KHDRBS2: variants seen among roughly 807,000 people sequenced by gnomAD.
KHDRBS2 encodes KH domain-containing, RNA-binding, signal transduction-associated protein 2.
KHDRBS2 carries 26 observed loss-of-function variants against 44.3 expected under a neutral mutation model. The ratio of observed to expected loss-of-function variants is 0.59; its 90% CI spans 0.43 to 0.81. The LOEUF (loss-of-function observed/expected upper bound fraction) is 0.81, where lower values mean the gene tolerates loss of function less well. Ranked by LOEUF, KHDRBS2 falls within the 40% of genes least tolerant of loss-of-function variation. The pLI, the probability that KHDRBS2 is intolerant of heterozygous loss-of-function variation, is 0.00. For missense variants in KHDRBS2, 476 were observed against 433.1 expected (o/e 1.10, Z -0.88); for synonymous variants, 194 against 151.1 (o/e 1.28, Z -2.08).
chr6:62,189,152 GA>G (rs1824074953), intron 1 of KHDRBS2, among the ~76,000 whole-genome samples: 1 of 151,578 alleles, frequency 6.6e-6, no homozygotes, highest in Non-Finnish European at 1.5e-5. Context: ...GAAGAAGAAA[GA>G]AAAAGAACAT....
At chr6:62,107,366 T>G (rs376862779) in intron 2 of KHDRBS2, among the ~76,000 whole-genome samples, 2 of 151,918 alleles carry the variant, frequency 1.3e-5, no homozygotes, top group Non-Finnish European at 2.9e-5. Context: ...GAATAAAATA[T>G]CTAGGAATCC....
chr6:62,199,612 A>G (rs1826478692), intron 1 of KHDRBS2, among the ~76,000 whole-genome samples: 2 of 152,188 alleles, frequency 1.3e-5, no homozygotes, highest in Non-Finnish European at 1.5e-5. Flanking sequence ...AGAAAATTCC[A>G]TGCTCATGGG....
chr6:62,086,534 A>G (rs1261849005), intron 2 of KHDRBS2, among the ~76,000 whole-genome samples: 1 of 152,184 alleles, frequency 6.6e-6, no homozygotes, highest in Non-Finnish European at 1.5e-5. Context: ...GAATGCTCTC[A>G]TAAATACAAA....
chr6:61,890,700 G>T (rs1239146078), intron 6 of KHDRBS2, among the ~76,000 whole-genome samples: 1 of 152,132 alleles, frequency 6.6e-6, no homozygotes, highest in African/African-American at 2.4e-5. Context: ...CCTTGTTGTG[G>T]ATTTTTAATT....
At position 62,191,739 on chromosome 6, in the gene KHDRBS2, C is replaced by T. The variant is rs1824665178; in HGVS notation, c.92-14427G>A. ...TCTCAACACAATGATTTTTACACTG[C>T]TGTTTACACCAGAAAACTTACATTT... On this transcript the variant is annotated intron_variant, in intron 1 of 8. Transcript: ENST00000281156. 4.6e-5 allele frequency among the ~76,000 whole-genome samples: 7 copies of T among 152,048 alleles called. No homozygotes were observed. The South Asian group carries it at 1.5e-3, about 32-fold the overall frequency.
intron 2 of KHDRBS2, among the ~76,000 whole-genome samples, chr6:62,063,578 A>C (rs1204096645): frequency 6.6e-6 from 1 of 151,750 alleles, no homozygotes; most frequent in African/African-American, 2.4e-5. Flanking sequence ...AAAATTCAAC[A>C]ACCCTTCATG....
chr6:62,261,871 A>AT (rs1399434378), intron 1 of KHDRBS2, among the ~76,000 whole-genome samples: 1 of 151,750 alleles, frequency 6.6e-6, no homozygotes, highest in Non-Finnish European at 1.5e-5. Flanking sequence ...TAACAATGAG[A>AT]TTTTTCTCAC....
intron 6 of KHDRBS2, among the ~76,000 whole-genome samples, chr6:61,776,120 C>A (rs1249892558): frequency 6.6e-6 from 1 of 152,140 alleles, no homozygotes; most frequent in African/African-American, 2.4e-5. Flanking sequence ...CCCTTCCTTA[C>A]ACCTTATACA....
chr6:61,993,666 TATATATA>T (rs1330955126), intron 3 of KHDRBS2, among the ~76,000 whole-genome samples: 4 of 123,114 alleles, frequency 3.2e-5, no homozygotes, highest in African/African-American at 1.1e-4. Flanking sequence ...TATATATATA[TATATATA>T]TTTTTTTTTT....
intron 3 of KHDRBS2, among the ~76,000 whole-genome samples, chr6:62,011,798 C>CA (rs1387655831): frequency 1.3e-5 from 2 of 152,068 alleles, no homozygotes; most frequent in Non-Finnish European, 2.9e-5. Flanking sequence ...AGCTATGTAT[C>CA]ATTATTACTA....
In KHDRBS2 at chr6:62,246,728, T is replaced by C. The variant is rs148202164; in HGVS notation, c.91+39130A>G. Reference sequence around the variant, plus strand: ...CTATACATATTTTAGTGATTTCTGATATTAAGATATTTTTTCCTAATTTGG... The same window carrying C: ...CTATACATATTTTAGTGATTTCTGACATTAAGATATTTTTTCCTAATTTGG... On this transcript the variant is annotated intron_variant, in intron 1 of 8. Transcript: ENST00000281156. Among the ~76,000 whole-genome samples, 382 of 152,170 alleles carry C rather than the reference T, an allele frequency of 2.5e-3. 3 individuals are homozygous for C. Among genetic ancestry groups the C allele is most frequent in the African/African-American group, 8.4e-3 (349 of 41,566 alleles).
intron 4 of KHDRBS2, among the ~76,000 whole-genome samples, chr6:61,976,419 C>T (rs1234865834): frequency 6.6e-6 from 1 of 151,918 alleles, no homozygotes; most frequent in Non-Finnish European, 1.5e-5. Flanking sequence ...ACTGACATTT[C>T]TAATAGAGGA....
At chr6:61,661,494 A>G in the KHDRBS2 span, 3 of 151,942 alleles carry the variant, frequency 2.0e-5, no homozygotes, top group South Asian at 2.1e-4. Context: ...GTTGTCAAGC[A>G]TACCCAAAAT....
chr6:62,100,940 A>G (rs916897938), intron 2 of KHDRBS2, among the ~76,000 whole-genome samples: 7 of 152,200 alleles, frequency 4.6e-5, no homozygotes, highest in African/African-American at 1.7e-4. Context: ...TTTACAAAAA[A>G]TAGCAAATTG....
At chr6:61,672,425 A>C in the KHDRBS2 span, among the ~76,000 whole-genome samples, 1 of 152,040 alleles carries the variant, frequency 6.6e-6, no homozygotes, top group Non-Finnish European at 1.5e-5. Context: ...CACCACACTG[A>C]CTTCCACAAT....
chr6:62,234,717 G>A (rs1231382337), intron 1 of KHDRBS2, among the ~76,000 whole-genome samples: 2 of 151,940 alleles, frequency 1.3e-5, no homozygotes, highest in African/African-American at 4.8e-5. Context: ...CTTGACTTGG[G>A]AAGTGAATGG....
At chr6:61,554,088 T>C in the KHDRBS2 span, among the ~76,000 whole-genome samples, 1 of 152,194 alleles carries the variant, frequency 6.6e-6, no homozygotes, top group Non-Finnish European at 1.5e-5. Flanking sequence ...CGTCTTATAT[T>C]GCTATTGGGG....
intron 8 of KHDRBS2, among the ~76,000 whole-genome samples, chr6:61,681,633 T>TAAACA (rs76014404): frequency 1.3e-5 from 2 of 151,410 alleles, no homozygotes; most frequent in Non-Finnish European, 3.0e-5. Flanking sequence ...GCAAAATCAG[T>TAAACA]AAACAAAACA....
chr6:61,787,270 T>A (rs943483922), intron 6 of KHDRBS2, among the ~76,000 whole-genome samples: 1 of 151,622 alleles, frequency 6.6e-6, no homozygotes, highest in African/African-American at 2.4e-5. Context: ...TTATTATCTC[T>A]TTAGTTCACA....
Sources: allele counts gnomAD v4.1 joint callset (sites outside exome capture counted in the v4.1 genomes callset), GRCh38; gene constraint gnomAD v4.1.1; transcripts MANE v1.5; gene names NCBI Gene and HGNC (gene_info 2026-07-23, HGNC 2026-07-21).